The following DLK1 variants were observed in gnomAD, a reference collection of about 807,000 sequenced individuals.
DLK1 encodes delta like non-canonical Notch ligand 1, also known as protein delta homolog 1.
Under a neutral mutation model 35.2 loss-of-function variants are expected in DLK1, and 9 were observed. The observed-to-expected ratio is 0.26, with a 90% CI of 0.15 to 0.45. DLK1 has a LOEUF of 0.45. DLK1 is among the 20% of genes least tolerant of loss of function. The pLI, the probability that DLK1 is intolerant of heterozygous loss-of-function variation, is 1.00. For synonymous variants in DLK1, 231 were observed against 228.4 expected (o/e 1.01, Z -0.10); for missense variants, 522 against 528.5 (o/e 0.99, Z 0.12).
chr14:100,730,698 C>A (rs1267005203), intron 3 of DLK1, among the ~76,000 whole-genome samples: 1 of 152,218 alleles, frequency 6.6e-6, no homozygotes, highest in Non-Finnish European at 1.5e-5. Context: ...TTCTGAGTGA[C>A]AGGAGAGTCG....
intron 4 of DLK1, among the ~76,000 whole-genome samples, chr14:100,733,008 C>G (rs541937608): frequency 2.0e-5 from 3 of 152,160 alleles, no homozygotes; most frequent in Non-Finnish European, 4.4e-5. Context: ...CTTATCTTGA[C>G]CGGACATCGC....
chr14:100,732,729 G>A lies in DLK1; in HGVS notation c.404+546G>A, dbSNP rs558078670. ...GGGGGCTTTGGGACTCCTGGGCAGC[G>A]GACATAACAGACAGAGTGGCCACTG... is the stretch of plus-strand genomic sequence containing the variant. On this transcript the variant is annotated intron_variant, in intron 4 of 4. Transcript: ENST00000341267. Among the ~76,000 whole-genome samples the A allele has an allele frequency of 1.8e-4, 28 of 152,248 alleles. 1 individual carries two copies. Among genetic ancestry groups the A allele is most frequent in the South Asian group, 6.2e-4 (3 of 4,826 alleles).
chr14:100,734,647 G>C lies in DLK1; in HGVS notation c.903G>C (p.Glu301Asp), dbSNP rs951859371. The change falls in exon 5 of 5, where the codon GAG (glutamate) becomes GAC (aspartate). Residue 301 changes from glutamate to aspartate, a missense_variant. Physicochemically the swap from Glu to Asp is conservative, Grantham distance 45. Transcript: ENST00000341267. This position sits in a 1 kb window ranked among gnomAD's most constrained non-coding sequence, Gnocchi z 7.4. ...ACAAGAAAACCCCTCTCCTCACCGA[G>C]GGCCAGGCCATCTGCTTCACCATCC... ...ELNKKTPLLT[E>D]GQAICFTILG... is the part of the protein sequence containing the mutation. 1 of 1,614,024 alleles carries C rather than the reference G, an allele frequency of 6.2e-7. No homozygotes were observed.
intron 4 of DLK1, among the ~76,000 whole-genome samples, chr14:100,733,392 T>C (rs2036531277): frequency 6.6e-6 from 1 of 152,172 alleles, no homozygotes; most frequent in Non-Finnish European, 1.5e-5. Context: ...CATTAAATGC[T>C]CCTTGTACTC....
chr14:100,734,926 T>C lies in DLK1; in HGVS notation c.*30T>C, dbSNP rs2036555324. ...CGTTCCCACAGCCCCCTCTAGATTCTTGGAGTTCCGCAGAGCTTACTATAC... is the reference window on the plus strand; with the variant it reads ...CGTTCCCACAGCCCCCTCTAGATTCCTGGAGTTCCGCAGAGCTTACTATAC... On this transcript the variant is annotated 3_prime_UTR_variant, in exon 5 of 5. Transcript: ENST00000341267. The surrounding 1 kb of genome is among the most constrained non-coding windows in gnomAD (Gnocchi z 7.4). The C allele has an allele frequency of 6.5e-7, 1 of 1,539,292 alleles. No homozygotes were observed. Among genetic ancestry groups the C allele is most frequent in the Non-Finnish European group, 8.7e-7 (1 of 1,148,872 alleles).
At position 100,727,123 on chromosome 14, in the gene DLK1, C is replaced by T; in HGVS notation, c.55C>T (p.His19Tyr). ...RVLLLLLAFG[H>Y]STYGAECFPA... ...CCTCTTGCTCCTGCTGGCTTTCGGC[C>T]ACAGCACCTATGGTGAGTTCCCCGG... The change falls in exon 1 of 5, where the codon CAC (histidine) becomes TAC (tyrosine). Residue 19 changes from histidine to tyrosine, a missense_variant. Physicochemically the swap from His to Tyr is moderately conservative, Grantham distance 83. Transcript: ENST00000341267. The T allele has an allele frequency of 6.3e-7, 1 of 1,594,414 alleles. No individual in the cohort carries two copies.
intron 3 of DLK1, among the ~76,000 whole-genome samples, chr14:100,730,544 C>T (rs1191938139): frequency 6.6e-6 from 1 of 152,214 alleles, no homozygotes; most frequent in East Asian, 1.9e-4. Context: ...CAGAGACCCC[C>T]AAGCAGCCTT....
chr14:100,730,348 T>C (rs2036493189), intron 3 of DLK1, among the ~76,000 whole-genome samples: 1 of 152,182 alleles, frequency 6.6e-6, no homozygotes, highest in African/African-American at 2.4e-5. Flanking sequence ...CCGTACACCC[T>C]TGCTGAAATT....
chr14:100,734,293 C>T lies in DLK1; in HGVS notation c.549C>T (p.Gly183=), dbSNP rs753924809. The T allele has an allele frequency of 2.7e-5, 43 of 1,613,456 alleles. No individual in the cohort carries two copies. The South Asian group carries it at 3.8e-4, about 14-fold the overall frequency. ...SCTPNPCEND[G]VCTDIGGDFR... is the part of the protein sequence containing the mutation. ...CCCCCAACCCATGCGAGAACGACGGCGTCTGCACTGACATTGGGGGCGACT... is the reference window on the plus strand; with the variant it reads ...CCCCCAACCCATGCGAGAACGACGGTGTCTGCACTGACATTGGGGGCGACT... The change falls in exon 5 of 5, where the codon GGC becomes GGT. Residue 183 remains glycine, a synonymous_variant. Transcript: ENST00000341267. The surrounding 1 kb of genome is among the most constrained non-coding windows in gnomAD (Gnocchi z 7.4).
intron 3 of DLK1, among the ~76,000 whole-genome samples, chr14:100,730,419 C>A (rs1397996717): frequency 6.6e-6 from 1 of 152,212 alleles, no homozygotes; most frequent in African/African-American, 2.4e-5. Flanking sequence ...ACCAAGTTGA[C>A]AAAGGCAGCC....
intron 3 of DLK1, among the ~76,000 whole-genome samples, chr14:100,729,849 CA>C (rs2036487924): frequency 6.6e-6 from 1 of 152,320 alleles, no homozygotes; most frequent in Admixed American, 6.5e-5. Flanking sequence ...AGCCTGCCCT[CA>C]GGGCCCCTGT....
chr14:100,729,018 G>A lies in DLK1; in HGVS notation c.214G>A (p.Gly72Arg), dbSNP rs778430918. Residue 72 changes from glycine to arginine, a missense_variant, in exon 3 of 5, where the codon GGG becomes AGG. Gly to Arg is a moderately radical substitution (Grantham distance 125, BLOSUM62 -2). Transcript: ENST00000341267. ...GCLHGLCGEP[G>R]QCICTDGWDG... is the part of the protein sequence containing the mutation. ...CCTTCACGGACTCTGTGGAGAACCCGGGCAGTGCATTTGCACCGACGGCTG... is the reference window on the plus strand; with the variant it reads ...CCTTCACGGACTCTGTGGAGAACCCAGGCAGTGCATTTGCACCGACGGCTG... 15 of 1,613,952 alleles carry A rather than the reference G, an allele frequency of 9.3e-6. No individual in the cohort carries two copies. The highest frequency in any genetic ancestry group is 1.3e-5 in the African/African-American group (1 of 74,922).
chr14:100,728,863 G>GA, intron 2 of DLK1, 73 bp from the exon 3 acceptor site: 1 of 1,573,984 alleles, frequency 6.4e-7, no homozygotes, highest in Non-Finnish European at 8.6e-7. Context: ...TGGTTCCACA[G>GA]AAAGTAGCCT....
chr14:100,734,956 T>G lies in DLK1; in HGVS notation c.*60T>G. 6.7e-7 allele frequency: 1 copy of G among 1,502,058 alleles called. No homozygotes were observed. The highest frequency in any genetic ancestry group is 1.4e-5 in the African/African-American group (1 of 71,810). The allele number at this position is 1,502,058 out of a possible 1,614,324, so 93.0% of individuals were successfully genotyped here. On this transcript the variant is annotated 3_prime_UTR_variant, in exon 5 of 5. Coordinates refer to ENST00000341267, the MANE Select transcript of DLK1 (RefSeq NM_003836.7). The surrounding 1 kb of genome is among the most constrained non-coding windows in gnomAD (Gnocchi z 7.4). ...GTTCCGCAGAGCTTACTATACGCGGTCTGTCCTAATCTTTGTGGTGTTCGC... is the reference window on the plus strand; with the variant it reads ...GTTCCGCAGAGCTTACTATACGCGGGCTGTCCTAATCTTTGTGGTGTTCGC...
chr14:100,727,224 G>A (rs1186852409), intron 1 of DLK1, 89 bp downstream of exon 1: 2 of 1,345,594 alleles, frequency 1.5e-6, no homozygotes, highest in Non-Finnish European at 2.0e-6. Flanking sequence ...GCCCCGTCTC[G>A]TGAGCCCCAA....
At chr14:100,727,215 C>G in intron 1 of DLK1, 80 bp downstream of exon 1, 1 of 1,402,202 alleles carries the variant, frequency 7.1e-7, no homozygotes, top group Non-Finnish European at 9.5e-7. Flanking sequence ...GCCCCGCACG[C>G]CCCGTCTCGT....
rs547683302 is a variant in DLK1 at position 100,738,035 on chromosome 14, T to A, written c.*3139T>A. The A allele has an allele frequency of 7.8e-4, 118 of 152,178 alleles. No homozygotes were observed. Among genetic ancestry groups the A allele is most frequent in the African/African-American group, 2.8e-3 (116 of 41,502 alleles). 9.4% of individuals were successfully genotyped at this position (152,178 alleles called of 1,614,324 possible). On this transcript the variant is annotated 3_prime_UTR_variant, in exon 5 of 5. Coordinates refer to ENST00000341267, the MANE Select transcript of DLK1 (RefSeq NM_003836.7). ...TAGTTTACGAAACAAACGGAAAAGC[T>A]CAAAGACAGCGATCCAAGACATGAT...
At position 100,738,220 on chromosome 14, in the gene DLK1, C is replaced by T. The variant is rs2036595616; in HGVS notation, c.*3324C>T. ...TTTATTGAAAAATAAACAACAAGGG[C>T]TAGACTTGTGTCTGCGTCTTTGATT... On this transcript the variant is annotated 3_prime_UTR_variant, in exon 5 of 5. Coordinates refer to ENST00000341267, the MANE Select transcript of DLK1 (RefSeq NM_003836.7). 6.6e-6 allele frequency: 1 copy of T among 152,240 alleles called. No individual in the cohort carries two copies. The allele number at this position is 152,240 out of a possible 1,614,324, so 9.4% of individuals were successfully genotyped here. A position where few individuals can be genotyped will look rare whatever the true frequency, so the allele number is the denominator to read the frequency against.
chr14:100,734,062 G>A lies in DLK1; in HGVS notation c.405-87G>A, dbSNP rs1409351786. The A allele has an allele frequency of 4.0e-6, 6 of 1,486,020 alleles. No homozygotes were observed. Among genetic ancestry groups the A allele is most frequent in the Non-Finnish European group, 5.4e-6 (6 of 1,117,806 alleles). 92.1% of individuals were successfully genotyped at this position (1,486,020 alleles called of 1,614,324 possible). A position where few individuals can be genotyped will look rare whatever the true frequency, so the allele number is the denominator to read the frequency against. On this transcript the variant is annotated intron_variant, in intron 4 of 4. Coordinates refer to ENST00000341267, the MANE Select transcript of DLK1 (RefSeq NM_003836.7). The surrounding 1 kb of genome is among the most constrained non-coding windows in gnomAD (Gnocchi z 7.4). ...AAGCACCTGCCCCTTAGTCAGGCCA[G>A]GGACCTTCTGCCCTGAGCCCCGTGC...
Sources: allele counts gnomAD v4.1 joint callset (sites outside exome capture counted in the v4.1 genomes callset), GRCh38; gene constraint gnomAD v4.1.1; non-coding constraint Gnocchi (gnomAD v3.1); transcripts MANE v1.5; gene names NCBI Gene and HGNC (gene_info 2026-07-23, HGNC 2026-07-21).